XIRP2: variants seen among roughly 807,000 people sequenced by gnomAD.
The protein encoded by XIRP2 is xin actin-binding repeat-containing protein 2.
XIRP2 carries 236 observed loss-of-function variants against 277.0 expected under a neutral mutation model. That is an observed-to-expected ratio of 0.85 (90% CI 0.77 to 0.95). The LOEUF (loss-of-function observed/expected upper bound fraction) is 0.95, where lower values mean the gene tolerates loss of function less well. Ranked by LOEUF, XIRP2 falls within the 40% of genes least tolerant of loss-of-function variation. The pLI, the probability that XIRP2 is intolerant of heterozygous loss-of-function variation, is 0.00. For missense variants in XIRP2, 4,640 were observed against 4,157.5 expected, an observed-to-expected ratio of 1.12 and a Z score of -3.19; for synonymous variants, 1,490 against 1,416.5, an observed-to-expected ratio of 1.05 and a Z score of -1.17.
chr2:167,144,713 G>A (rs1691817851), intron 3 of XIRP2, among the ~76,000 whole-genome samples: 1 of 151,992 alleles, frequency 6.6e-6, no homozygotes, highest in Non-Finnish European at 1.5e-5. Context: ...CAATACTTCT[G>A]ACTCATTGCT....
At chr2:167,160,165 TA>T (rs1042832223) in intron 3 of XIRP2, among the ~76,000 whole-genome samples, 7 of 151,826 alleles carry the variant, frequency 4.6e-5, no homozygotes, top group Admixed American at 1.3e-4. Context: ...TGTCTCCTCA[TA>T]AAAAAAAATT....
intron 2 of XIRP2, among the ~76,000 whole-genome samples, chr2:167,030,012 T>C (rs569355093): frequency 3.6e-4 from 55 of 152,272 alleles, no homozygotes; most frequent in Non-Finnish European, 7.4e-4. Flanking sequence ...GAGGTGTTTG[T>C]AGTATTCTCT....
intron 5 of XIRP2, among the ~76,000 whole-genome samples, chr2:167,227,943 G>T (rs139499477): frequency 6.6e-6 from 1 of 151,800 alleles, no homozygotes; most frequent in Non-Finnish European, 1.5e-5. Flanking sequence ...TACATCTAAC[G>T]TGTCTTGGGT....
At chr2:166,917,624 TAA>T (rs920487521) in intron 2 of XIRP2, among the ~76,000 whole-genome samples, 1 of 145,678 alleles carries the variant, frequency 6.9e-6, no homozygotes, top group African/African-American at 2.5e-5. Context: ...ATGACACTGT[TAA>T]AAAAAAAAAG....
chr2:167,245,693 A>G lies in XIRP2; in HGVS notation c.4301A>G (p.Asn1434Ser), dbSNP rs1695232470. The G allele has an allele frequency of 1.2e-6, 2 of 1,613,646 alleles. No homozygotes were observed. The highest frequency in any genetic ancestry group is 1.7e-6 in the Non-Finnish European group (2 of 1,179,720). ...GAGTCTGAAAATTTTGATAAGAATA[A>G]CTATATACGAACAGTAAGTGTCAAT... Reference protein sequence around the residue: ...FFESENFDKNNYIRTVSVNEI... With the variant: ...FFESENFDKNSYIRTVSVNEI... Residue 1434 changes from asparagine (N) to serine (S), a missense_variant, in exon 9 of 11, where the codon AAC (asparagine) becomes AGC (serine). Asn to Ser is a conservative substitution (Grantham distance 46, BLOSUM62 1). Coordinates refer to ENST00000409195, the MANE Select transcript of XIRP2 (RefSeq NM_152381.6).
At chr2:167,240,821 C>A in intron 7 of XIRP2, 85 bp downstream of exon 7, 1 of 1,177,314 alleles carries the variant, frequency 8.5e-7, no homozygotes, top group Non-Finnish European at 1.3e-6. Context: ...AAAGCACAGT[C>A]CTCCCCTCTG....
At chr2:166,956,956 ATAAC>A (rs998685155) in intron 2 of XIRP2, among the ~76,000 whole-genome samples, 45 of 151,870 alleles carry the variant, frequency 3.0e-4, no homozygotes, top group African/African-American at 8.7e-4. Flanking sequence ...TGGATATTGA[ATAAC>A]TAACCATACA....
chr2:167,160,204 T>G (rs901157039), intron 3 of XIRP2, among the ~76,000 whole-genome samples: 5 of 152,182 alleles, frequency 3.3e-5, no homozygotes, highest in African/African-American at 1.2e-4. Flanking sequence ...GTTGTTCTCA[T>G]TATAAATCTA....
At chr2:167,126,505 T>TA (rs1691210951) in intron 2 of XIRP2, among the ~76,000 whole-genome samples, 2 of 152,142 alleles carry the variant, frequency 1.3e-5, no homozygotes, top group African/African-American at 4.8e-5. Flanking sequence ...GAAAGTACTG[T>TA]AAAAATTGGT....
At position 167,176,294 on chromosome 2, in the gene XIRP2, A is replaced by G. The variant is rs547098025; in HGVS notation, c.563-34441A>G. On this transcript the variant is annotated intron_variant, in intron 3 of 10. Coordinates refer to ENST00000409195, the MANE Select transcript of XIRP2 (RefSeq NM_152381.6). ...ACCCCTTACACTTCCCACGTGAGGC[A>G]ATGCCCCACCCTTCTGCTCGCCCTC... Among the ~76,000 whole-genome samples the G allele has an allele frequency of 2.4e-4, 36 of 150,816 alleles. No homozygotes were observed. The East Asian group carries it at 6.6e-3, about 28-fold the overall frequency.
intron 2 of XIRP2, among the ~76,000 whole-genome samples, chr2:166,975,285 C>T (rs574305963): frequency 2.4e-4 from 37 of 152,226 alleles, no homozygotes; most frequent in African/African-American, 8.4e-4. Flanking sequence ...AACAACACTG[C>T]TGAACAACAT....
In XIRP2 at chr2:167,259,262, T is replaced by C. The variant is rs776798151; in HGVS notation, c.*1445T>C. ...AGGTTTTGATGCTCTGAGCCATGAA[T>C]GTACAGCTAAGCCTTTGTTTCCCAG... On this transcript the variant is annotated 3_prime_UTR_variant, in exon 11 of 11. Coordinates refer to ENST00000409195, the MANE Select transcript of XIRP2 (RefSeq NM_152381.6). 8.1e-6 allele frequency: 13 copies of C among 1,613,376 alleles called. No homozygotes were observed. In the African/African-American group the frequency reaches 9.3e-5, roughly 12 times the overall value.
chr2:167,193,260 C>T lies in XIRP2; in HGVS notation c.563-17475C>T, dbSNP rs914099962. Among the ~76,000 whole-genome samples the T allele has an allele frequency of 1.2e-4, 18 of 152,148 alleles. 1 individual carries two copies. Among genetic ancestry groups the T allele is most frequent in the African/African-American group, 4.3e-4 (18 of 41,436 alleles). ...AATAGAAGCAATAAGTTGCCTCAAACTTCAATTTGCACCTCTTTCATTTAC... is the reference window on the plus strand; with the variant it reads ...AATAGAAGCAATAAGTTGCCTCAAATTTCAATTTGCACCTCTTTCATTTAC... On this transcript the variant is annotated intron_variant, in intron 3 of 10. Coordinates refer to ENST00000409195, the MANE Select transcript of XIRP2 (RefSeq NM_152381.6).
chr2:167,192,356 G>A (rs193170085), intron 3 of XIRP2, among the ~76,000 whole-genome samples: 65 of 152,074 alleles, frequency 4.3e-4, no homozygotes, highest in East Asian at 9.7e-4. Context: ...TATCTCTGTC[G>A]TTGATTTTGT....
At chr2:167,188,668 C>A (rs910590845) in intron 3 of XIRP2, among the ~76,000 whole-genome samples, 3 of 152,172 alleles carry the variant, frequency 2.0e-5, no homozygotes, top group Admixed American at 6.5e-5. Context: ...TGCTCCTCTG[C>A]CTAATCTTTG....
rs781568931 is a variant in XIRP2, at chr2:167,247,025, C to A, written c.5633C>A (p.Ser1878Ter). 2 of 1,613,372 alleles carry A rather than the reference C, an allele frequency of 1.2e-6. No homozygotes were observed. Among genetic ancestry groups the A allele is most frequent in the Non-Finnish European group, 8.5e-7 (1 of 1,179,748 alleles). ...MLATLKSLKE[S>*]SHRWKESKQP... Reference sequence around the variant, plus strand: ...GCCACACTCAAGTCACTTAAAGAATCAAGCCATCGATGGAAAGAATCTAAA... The same window carrying A: ...GCCACACTCAAGTCACTTAAAGAATAAAGCCATCGATGGAAAGAATCTAAA... Residue 1878 changes from serine (S) to a stop codon, truncating the protein, a stop_gained, in exon 9 of 11, where the codon TCA (serine) becomes TAA (stop). Transcript: ENST00000409195. LOFTEE classifies it high-confidence loss of function.
chr2:166,978,267 A>G (rs529106445), intron 2 of XIRP2, among the ~76,000 whole-genome samples: 1 of 152,128 alleles, frequency 6.6e-6, no homozygotes, highest in South Asian at 2.1e-4. Context: ...ACCACTGTCT[A>G]TTTTTATTAT....
intron 2 of XIRP2, among the ~76,000 whole-genome samples, chr2:167,012,930 GA>G (rs1687722276): frequency 6.6e-6 from 1 of 150,996 alleles, no homozygotes; most frequent in South Asian, 2.1e-4. Context: ...GTTCTTTCAT[GA>G]TGATAAAAAT....
chr2:167,247,527 A>G lies in XIRP2; in HGVS notation c.6135A>G (p.Arg2045=). The part of the protein sequence containing the change: ...NNDALEKSLR[R]LSNSHHKSNV... Reference sequence around the variant, plus strand: ...ATGCTCTGGAGAAAAGCCTTAGAAGACTATCTAATTCACACCATAAATCTA... The same window carrying G: ...ATGCTCTGGAGAAAAGCCTTAGAAGGCTATCTAATTCACACCATAAATCTA... Residue 2045 remains arginine (R), a synonymous_variant, in exon 9 of 11, where the codon AGA becomes AGG. Coordinates refer to ENST00000409195, the MANE Select transcript of XIRP2 (RefSeq NM_152381.6). The G allele has an allele frequency of 6.2e-7, 1 of 1,613,776 alleles. No individual in the cohort carries two copies. Among genetic ancestry groups the G allele is most frequent in the South Asian group, 1.1e-5 (1 of 91,078 alleles).
Sources: gnomAD v4.1 joint callset for allele counts (sites outside exome capture counted in the v4.1 genomes callset) on GRCh38, gnomAD v4.1.1 for gene constraint, MANE v1.5 for transcripts, NCBI Gene and HGNC (gene_info 2026-07-23, HGNC 2026-07-21) for gene names.